Variants in STPG1 observed in about 807,000 individuals in gnomAD.
The protein encoded by STPG1 is sperm tail PG-rich repeat containing 1, also known as O(6)-methylguanine-induced apoptosis 2.
STPG1 carries 33 observed loss-of-function variants against 40.1 expected under a neutral mutation model. The observed-to-expected ratio is 0.82, with a 90% CI of 0.62 to 1.10. The LOEUF is 1.10. STPG1 is among the 50% of genes least tolerant of loss of function. STPG1 has a pLI of 0.00. For synonymous variants in STPG1, 150 were observed against 155.0 expected, an observed-to-expected ratio of 0.97 and a Z score of 0.24; for missense variants, 396 against 415.1, an observed-to-expected ratio of 0.95 and a Z score of 0.40.
intron 3 of STPG1, among the ~76,000 whole-genome samples, chr1:24,388,738 TCA>T: frequency 6.6e-6 from 1 of 152,232 alleles, no homozygotes; most frequent in African/African-American, 2.4e-5. Context: ...TTGTATTGCC[TCA>T]CTAAATTATC....
At chr1:24,394,806 G>A (rs113965554) in intron 2 of STPG1, among the ~76,000 whole-genome samples, 3,576 of 152,054 alleles carry the variant, frequency 0.024, 55 homozygotes, top group Non-Finnish European at 0.035. Context: ...ACAAGAAAAA[G>A]GATTAGTGAG....
intron 8 of STPG1, among the ~76,000 whole-genome samples, 170 bp downstream of exon 8, chr1:24,360,680 CA>C (rs1641045293): frequency 6.6e-6 from 1 of 152,190 alleles, no homozygotes; most frequent in African/African-American, 2.4e-5. Context: ...CCTTAAAAAA[CA>C]AAACATTTTT....
chr1:24,409,478 C>T (rs1643532574), intron 1 of STPG1, among the ~76,000 whole-genome samples: 1 of 152,308 alleles, frequency 6.6e-6, no homozygotes, highest in South Asian at 2.1e-4. Flanking sequence ...TATTAGTGTT[C>T]TGGAATTATG....
chr1:24,367,654 G>C (rs1641538032), intron 7 of STPG1, among the ~76,000 whole-genome samples: 1 of 152,108 alleles, frequency 6.6e-6, no homozygotes. Flanking sequence ...GAGTAGCTGG[G>C]ATTACAGGCG....
At chr1:24,370,789 C>T (rs1467615047) in intron 6 of STPG1, among the ~76,000 whole-genome samples, 3 of 147,124 alleles carry the variant, frequency 2.0e-5, no homozygotes, top group Non-Finnish European at 4.5e-5. Flanking sequence ...CTGTGCCCAG[C>T]TTTTTTTTTT....
intron 7 of STPG1, among the ~76,000 whole-genome samples, chr1:24,363,171 C>A (rs115584799): frequency 3.3e-5 from 5 of 152,320 alleles, no homozygotes; most frequent in Admixed American, 6.5e-5. Flanking sequence ...GCTTTCTTAG[C>A]CAAGGACAGC....
At chr1:24,400,840 C>A (rs1443825106) in intron 2 of STPG1, among the ~76,000 whole-genome samples, 2 of 152,176 alleles carry the variant, frequency 1.3e-5, no homozygotes, top group African/African-American at 4.8e-5. Context: ...TTCCTCCCCA[C>A]CCCAACCCAG....
chr1:24,394,997 A>C (rs985336327), intron 2 of STPG1, among the ~76,000 whole-genome samples: 1 of 152,168 alleles, frequency 6.6e-6, no homozygotes, highest in Non-Finnish European at 1.5e-5. Flanking sequence ...AAATACAAGA[A>C]ACATGAAGAA....
chr1:24,395,557 C>A (rs371730879), intron 2 of STPG1, among the ~76,000 whole-genome samples: 1 of 151,348 alleles, frequency 6.6e-6, no homozygotes, highest in East Asian at 2.0e-4. Flanking sequence ...CTCAGCCTCC[C>A]GAGTAGCTGG....
In STPG1 at chr1:24,396,815, T is replaced by C. The variant is rs1292795271; in HGVS notation, c.70+4504A>G. Among the ~76,000 whole-genome samples, 4 of 152,172 alleles carry C rather than the reference T, an allele frequency of 2.6e-5. No homozygotes were observed. In the East Asian group the frequency reaches 7.7e-4, roughly 29 times the overall value. On this transcript the variant is annotated intron_variant, in intron 2 of 8. Transcript: ENST00000337248. The stretch of plus-strand genomic sequence containing the variant: ...GACGAATAGAAAGCAAGTCACAAGA[T>C]GATAGACTTAAACTTATACACCAAT...
chr1:24,382,369 A>G (rs1276962254), intron 4 of STPG1, among the ~76,000 whole-genome samples: 1 of 152,224 alleles, frequency 6.6e-6, no homozygotes, highest in Non-Finnish European at 1.5e-5. Context: ...TAGCATGTTT[A>G]TAATGCTTTG....
intron 2 of STPG1, among the ~76,000 whole-genome samples, chr1:24,396,107 G>A (rs1642988699): frequency 6.6e-6 from 1 of 152,028 alleles, no homozygotes; most frequent in Non-Finnish European, 1.5e-5. Context: ...AAAATATACT[G>A]TTTTAAGGTT....
At chr1:24,405,828 A>G (rs1643394556) in intron 1 of STPG1, among the ~76,000 whole-genome samples, 2 of 152,106 alleles carry the variant, frequency 1.3e-5, no homozygotes, top group Admixed American at 1.3e-4. Flanking sequence ...TTCTGATATT[A>G]ACATGGCCAT....
chr1:24,361,288 T>C (rs533808), intron 7 of STPG1, among the ~76,000 whole-genome samples: 143,894 of 152,256 alleles, frequency 0.95, 68,081 homozygotes, highest in East Asian at 1. Context: ...TGAGATGACG[T>C]ACCTAAAACA....
In STPG1 at chr1:24,391,561, C is replaced by T. The variant is rs1010495514; in HGVS notation, c.189G>A (p.Lys63=). 3 of 1,514,534 alleles carry T rather than the reference C, an allele frequency of 2.0e-6. No homozygotes were observed. Among genetic ancestry groups the T allele is most frequent in the African/African-American group, 1.4e-5 (1 of 72,306 alleles). The allele number at this position is 1,514,534 out of a possible 1,614,324, so 93.8% of individuals were successfully genotyped here. A position where few individuals can be genotyped will look rare whatever the true frequency, so the allele number is the denominator to read the frequency against. ...AGAACCCCTGAGACAACGTCATTAC[C>T]TTCTTATGAGGAAATCTCTTGGCTT... The part of the protein sequence containing the change: ...NSQAKRFPHK[K]NDIPGPGFYN... Residue 63 remains lysine, a splice_region_variant and synonymous_variant, in exon 3 of 9, where the codon AAG becomes AAA. Coordinates refer to ENST00000337248, the MANE Select transcript of STPG1 (RefSeq NM_001199013.2).
intron 6 of STPG1, among the ~76,000 whole-genome samples, chr1:24,372,233 G>A (rs1276460838): frequency 2.0e-5 from 3 of 152,096 alleles, no homozygotes; most frequent in Admixed American, 6.6e-5. Flanking sequence ...TTGGACACTG[G>A]GCCTGTCACC....
intron 3 of STPG1, chr1:24,391,271 T>G: frequency 4.8e-6 from 1 of 209,004 alleles, no homozygotes; most frequent in East Asian, 1.1e-4. Context: ...TTTTTTAGCT[T>G]TATGATGATT....
chr1:24,371,819 C>T (rs1400832841), intron 6 of STPG1, among the ~76,000 whole-genome samples: 1 of 152,170 alleles, frequency 6.6e-6, no homozygotes, highest in Non-Finnish European at 1.5e-5. Flanking sequence ...AGCCAGCCGC[C>T]AGGAAGCTGG....
chr1:24,406,791 T>A (rs1160777971), intron 1 of STPG1, among the ~76,000 whole-genome samples: 3 of 152,180 alleles, frequency 2.0e-5, no homozygotes, highest in African/African-American at 7.2e-5. Context: ...TTTTTATCCA[T>A]CAACTTTTAA....
Sources: allele counts gnomAD v4.1 joint callset (sites outside exome capture counted in the v4.1 genomes callset), GRCh38; gene constraint gnomAD v4.1.1; transcripts MANE v1.5; gene names NCBI Gene and HGNC (gene_info 2026-07-23, HGNC 2026-07-21).